The following ZNF350 variants were observed in gnomAD, a reference collection of about 807,000 sequenced individuals.
ZNF350 encodes the protein KRAB zinc finger protein ZFQR.
A neutral mutation model predicts 13.1 loss-of-function variants in ZNF350; 5 were observed. That is an observed-to-expected ratio of 0.38 (90% CI 0.20 to 0.80). The LOEUF (loss-of-function observed/expected upper bound fraction) is 0.80, where lower values mean the gene tolerates loss of function less well. Among genes scored for constraint, ZNF350 ranks in the 30% least tolerant of loss-of-function variants. The pLI is 0.43. For missense variants in ZNF350, 534 were observed against 644.2 expected, an observed-to-expected ratio of 0.83 and a Z score of 1.85; for synonymous variants, 199 against 224.2, an observed-to-expected ratio of 0.89 and a Z score of 1.00.
At chr19:51,983,223 C>G (rs1402405450) in intron 1 of ZNF350, among the ~76,000 whole-genome samples, 1 of 152,210 alleles carries the variant, frequency 6.6e-6, no homozygotes, top group Non-Finnish European at 1.5e-5. Flanking sequence ...TCTCCAGTCT[C>G]AAGTACCCAG....
chr19:51,985,911 G>T (rs1399661307), intron 1 of ZNF350, among the ~76,000 whole-genome samples: 1 of 152,172 alleles, frequency 6.6e-6, no homozygotes, highest in Admixed American at 6.5e-5. Flanking sequence ...GGAGGCTGAG[G>T]CAGGAGAATC....
Position 51,974,439 on chromosome 19 carries a change from A to G in ZNF350, c.-79T>C. The G allele has an allele frequency of 3.9e-6, 6 of 1,549,318 alleles. No individual in the cohort carries two copies. In the South Asian group the frequency reaches 5.7e-5, roughly 15 times the overall value. ...TTCTGGCCTTCTCTTCAGAAGTCTC[A>G]GTTTTCAATCAAGTGTGCCCCAAGA... is the stretch of plus-strand genomic sequence containing the variant. On this transcript the variant is annotated 5_prime_UTR_variant, in exon 2 of 5. Transcript: ENST00000243644.
At position 51,965,149 on chromosome 19, in the gene ZNF350, T is replaced by C; in HGVS notation, c.1304A>G (p.Glu435Gly). 6.2e-7 allele frequency: 1 copy of C among 1,614,226 alleles called. No individual in the cohort carries two copies. Among genetic ancestry groups the C allele is most frequent in the Non-Finnish European group, 8.5e-7 (1 of 1,180,038 alleles). ...GCTGTGCCTCTCTGCAGGAGGATTT[T>C]CCACCTTGGCTGCCTCTTGTTTCTC... Reference protein sequence around the residue: ...TREKQEAAKVENPPAERHSSL... With the variant: ...TREKQEAAKVGNPPAERHSSL... Residue 435 changes from glutamate to glycine, a missense_variant, in exon 5 of 5, where the codon GAA (glutamate) becomes GGA (glycine). Glu to Gly is a moderately conservative substitution (Grantham distance 98). Coordinates refer to ENST00000243644, the MANE Select transcript of ZNF350 (RefSeq NM_021632.4).
At chr19:51,967,921 G>A (rs1373800897) in intron 4 of ZNF350, among the ~76,000 whole-genome samples, 1 of 152,120 alleles carries the variant, frequency 6.6e-6, no homozygotes, top group Non-Finnish European at 1.5e-5. Flanking sequence ...AAATTACACA[G>A]AACTAAAATC....
chr19:51,978,526 T>C (rs1158780026), intron 1 of ZNF350, among the ~76,000 whole-genome samples: 1 of 152,076 alleles, frequency 6.6e-6, no homozygotes, highest in Non-Finnish European at 1.5e-5. Flanking sequence ...CCCTTCCCCA[T>C]GAAAAGAGAA....
At position 51,966,091 on chromosome 19, in the gene ZNF350, A is replaced by G; in HGVS notation, c.362T>C (p.Leu121Pro). The G allele has an allele frequency of 6.2e-7, 1 of 1,614,100 alleles. No individual in the cohort carries two copies. Among genetic ancestry groups the G allele is most frequent in the Non-Finnish European group, 8.5e-7 (1 of 1,180,020 alleles). The stretch of plus-strand genomic sequence containing the variant: ...AAATATATCATGATTTTGCCCTAAC[A>G]GAAACTGACTTTTGCTGCAATGAAC... Reference protein sequence around the residue: ...NIVHCSKSQFLLGQNHDIFDL... With the variant: ...NIVHCSKSQFPLGQNHDIFDL... Residue 121 changes from leucine to proline, a missense_variant, in exon 5 of 5, where the codon CTG becomes CCG. Physicochemically the swap from Leu to Pro is moderately conservative, Grantham distance 98. Transcript: ENST00000243644.
chr19:51,979,535 C>T (rs932304905), intron 1 of ZNF350, among the ~76,000 whole-genome samples: 6 of 152,214 alleles, frequency 3.9e-5, no homozygotes, highest in African/African-American at 7.2e-5. Context: ...CAAGCTCAAA[C>T]ATGGTTGAGT....
At position 51,965,410 on chromosome 19, in the gene ZNF350, C is replaced by T; in HGVS notation, c.1043G>A (p.Cys348Tyr). 6.2e-7 allele frequency: 1 copy of T among 1,614,174 alleles called. No homozygotes were observed. The highest frequency in any genetic ancestry group is 8.5e-7 in the Non-Finnish European group (1 of 1,180,032). ...AGAACAGGATTTTCCACATTCACTG[C>T]ACACAAAGGGCGTCTTTCCTGTGTG... ...RFHTGKTPFV[C>Y]SECGKSCSQK... The change falls in exon 5 of 5, where the codon TGC (cysteine) becomes TAC (tyrosine). Residue 348 changes from cysteine to tyrosine, a missense_variant. Physicochemically the swap from Cys to Tyr is radical, Grantham distance 194. Coordinates refer to ENST00000243644, the MANE Select transcript of ZNF350 (RefSeq NM_021632.4).
chr19:51,968,571 C>A lies in ZNF350; in HGVS notation c.238+7G>T, dbSNP rs1408261278. 1 of 1,613,376 alleles carries A rather than the reference C, an allele frequency of 6.2e-7. No homozygotes were observed. The highest frequency in any genetic ancestry group is 1.1e-5 in the South Asian group (1 of 91,062). On this transcript the variant is annotated splice_region_variant and intron_variant, in intron 4 of 4. Coordinates refer to ENST00000243644, the MANE Select transcript of ZNF350 (RefSeq NM_021632.4). ...TCCATAGCCTTCTGTCTTGTGGGTT[C>A]TCTCACCTGAACAGGCTCCACTGTG... is the stretch of plus-strand genomic sequence containing the variant.
In ZNF350 at chr19:51,968,415, T is replaced by G. The variant is rs73937820; in HGVS notation, c.238+163A>C. 4,534 of 645,052 alleles carry G rather than the reference T, an allele frequency of 7.0e-3. 70 individuals carry two copies. Among genetic ancestry groups the G allele is most frequent in the African/African-American group, 0.045 (2,445 of 54,360 alleles). The allele number at this position is 645,052 out of a possible 1,614,324, so 40.0% of individuals were successfully genotyped here. A position where few individuals can be genotyped will look rare whatever the true frequency, so the allele number is the denominator to read the frequency against. ...AAGAGTTTTTGTTTTGTTTTGTTTT[T>G]TTTTAACTCTAAATTCCTACAAAGA... On this transcript the variant is annotated intron_variant, in intron 4 of 4. Transcript: ENST00000243644.
intron 4 of ZNF350, among the ~76,000 whole-genome samples, 190 bp from the exon 5 acceptor site, chr19:51,966,404 C>T (rs562972641): frequency 6.6e-6 from 1 of 151,856 alleles, no homozygotes; most frequent in African/African-American, 2.4e-5. Flanking sequence ...CTGCCTCAGC[C>T]TCCCAAGTTG....
Position 51,965,668 on chromosome 19 carries a change from T to A in ZNF350, c.785A>T (p.Tyr262Phe). The A allele has an allele frequency of 1.2e-6, 2 of 1,614,196 alleles. No individual in the cohort carries two copies. The highest frequency in any genetic ancestry group is 1.7e-6 in the Non-Finnish European group (2 of 1,180,026). The change falls in exon 5 of 5, where the codon TAT (tyrosine) becomes TTT (phenylalanine). Residue 262 changes from tyrosine (Y) to phenylalanine (F), a missense_variant. By Grantham distance (22) the Tyr-to-Phe change is conservative. Transcript: ENST00000243644. Reference protein sequence around the residue: ...HQRTHTGEKPYECPECGKAFL... With the variant: ...HQRTHTGEKPFECPECGKAFL... The stretch of plus-strand genomic sequence containing the variant: ...GGCTTTGCCACATTCAGGGCATTCA[T>A]AAGGTTTTTCTCCTGTATGAGTTCG...
In ZNF350 at chr19:51,966,109, C is replaced by T. The variant is rs1196668334; in HGVS notation, c.344G>A (p.Cys115Tyr). The change falls in exon 5 of 5, where the codon TGC becomes TAC. Residue 115 changes from cysteine (C) to tyrosine (Y), a missense_variant. By Grantham distance (194) the Cys-to-Tyr change is radical (BLOSUM62 -2). Transcript: ENST00000243644. Reference protein sequence around the residue: ...EHDAFENIVHCSKSQFLLGQN... With the variant: ...EHDAFENIVHYSKSQFLLGQN... ...CCCTAACAGAAACTGACTTTTGCTGCAATGAACAATATTTTCAAATGCATC... is the reference window on the plus strand; with the variant it reads ...CCCTAACAGAAACTGACTTTTGCTGTAATGAACAATATTTTCAAATGCATC... 1.2e-6 allele frequency: 2 copies of T among 1,614,030 alleles called. No homozygotes were observed. The highest frequency in any genetic ancestry group is 4.5e-5 in the East Asian group (2 of 44,872).
rs2085556457 is a variant in ZNF350 at position 51,965,976 on chromosome 19, T to A, written c.477A>T (p.Gly159=). ...YEIKNSVEFT[G]NGDSFLHANH... ...TAGCATGAAGAAAGGAGTCCCCATT[T>A]CCAGTAAACTCAACAGAGTTCTTTA... Residue 159 remains glycine, a synonymous_variant, in exon 5 of 5, where the codon GGA becomes GGT. Coordinates refer to ENST00000243644, the MANE Select transcript of ZNF350 (RefSeq NM_021632.4). 6.2e-7 allele frequency: 1 copy of A among 1,614,000 alleles called. No individual in the cohort carries two copies. Among genetic ancestry groups the A allele is most frequent in the African/African-American group, 1.3e-5 (1 of 74,930 alleles).
At chr19:51,982,600 C>G (rs1297871599) in intron 1 of ZNF350, among the ~76,000 whole-genome samples, 2 of 152,036 alleles carry the variant, frequency 1.3e-5, no homozygotes, top group Non-Finnish European at 2.9e-5. Context: ...TTAAAAATGT[C>G]AAGTCTCCCA....
At chr19:51,971,462 C>G (rs1192745682) in intron 2 of ZNF350, among the ~76,000 whole-genome samples, 4 of 152,312 alleles carry the variant, frequency 2.6e-5, no homozygotes, top group Admixed American at 6.5e-5. Flanking sequence ...ACCAACTCAG[C>G]ATTCCACTGG....
rs766737466 is a variant in ZNF350 at position 51,965,601 on chromosome 19, A to G, written c.852T>C (p.His284=). 1.2e-6 allele frequency: 2 copies of G among 1,614,092 alleles called. No individual in the cohort carries two copies. Among genetic ancestry groups the G allele is most frequent in the South Asian group, 1.1e-5 (1 of 91,076 alleles). Residue 284 remains histidine (H), a synonymous_variant, in exon 5 of 5, where the codon CAT becomes CAC. Transcript: ENST00000243644. ...TGCATATATAGGGTTTCTCTCCGGT[A>G]TGTGTTTTCTGATGTATGTTGAGCC... The part of the protein sequence containing the change: ...KSRLNIHQKT[H]TGEKPYICSE...
rs1319151638 is a variant in ZNF350, at chr19:51,964,830, T to A, written c.*24A>T. The A allele has an allele frequency of 1.9e-6, 3 of 1,584,834 alleles. No homozygotes were observed. The South Asian group carries it at 3.5e-5, about 18-fold the overall frequency. Reference sequence around the variant, plus strand: ...ACTACAAATTTTTGCTCAACCCTTTTCCACATAGATCTGAGTTTTCTTCCT... The same window carrying A: ...ACTACAAATTTTTGCTCAACCCTTTACCACATAGATCTGAGTTTTCTTCCT... On this transcript the variant is annotated 3_prime_UTR_variant, in exon 5 of 5. Coordinates refer to ENST00000243644, the MANE Select transcript of ZNF350 (RefSeq NM_021632.4).
chr19:51,968,474 G>C (rs961863693), intron 4 of ZNF350, 104 bp downstream of exon 4: 1 of 965,850 alleles, frequency 1.0e-6, no homozygotes, highest in East Asian at 2.4e-5. Context: ...CAGATGAGTA[G>C]AGGAACTGTT....
Sources: allele counts gnomAD v4.1 joint callset (sites outside exome capture counted in the v4.1 genomes callset), GRCh38; gene constraint gnomAD v4.1.1; transcripts MANE v1.5; gene names NCBI Gene and HGNC (gene_info 2026-07-23, HGNC 2026-07-21).